SHISA9: variants seen among roughly 807,000 people sequenced by gnomAD.
SHISA9 encodes the protein protein shisa-9.
Under a neutral mutation model 38.0 loss-of-function variants are expected in SHISA9, and 13 were observed. The ratio of observed to expected loss-of-function variants is 0.34; its 90% CI spans 0.22 to 0.54. The LOEUF is 0.54. Ranked by LOEUF, SHISA9 falls within the 20% of genes least tolerant of loss-of-function variation. SHISA9 has a pLI of 0.91. For missense variants in SHISA9, 538 were observed against 575.8 expected (o/e 0.93, Z 0.67); for synonymous variants, 275 against 242.0 (o/e 1.14, Z -1.27).
chr16:13,270,630 C>A, the SHISA9 span, among the ~76,000 whole-genome samples: 1 of 152,176 alleles, frequency 6.6e-6, no homozygotes, highest in Non-Finnish European at 1.5e-5. Context: ...GGTTGCAATG[C>A]TGGATCTACA....
In SHISA9 at chr16:13,089,021, G is replaced by A. The variant is rs151159411; in HGVS notation, c.692-114373G>A. Among the ~76,000 whole-genome samples, 198 of 152,294 alleles carry A rather than the reference G, an allele frequency of 1.3e-3. 2 individuals carry two copies. Among genetic ancestry groups the A allele is most frequent in the Middle Eastern group, 6.8e-3 (2 of 294 alleles). On this transcript the variant is annotated intron_variant, in intron 2 of 4. Transcript: ENST00000558583. ...GTTTATTGAGAGATTTTAGCATGAAGGACTTGAATTTTGTTGAAGGCCTTT... is the reference window on the plus strand; with the variant it reads ...GTTTATTGAGAGATTTTAGCATGAAAGACTTGAATTTTGTTGAAGGCCTTT...
intron 2 of SHISA9, among the ~76,000 whole-genome samples, chr16:12,970,322 TATAC>T (rs1177066970): frequency 7.4e-4 from 58 of 78,900 alleles, no homozygotes; most frequent in African/African-American, 2.7e-3. Flanking sequence ...TAGGGGTATA[TATAC>T]ATATATATAT....
At chr16:13,384,615 C>G in the SHISA9 span, among the ~76,000 whole-genome samples, 7 of 152,160 alleles carry the variant, frequency 4.6e-5, no homozygotes, top group Non-Finnish European at 8.8e-5. Context: ...GGTGGGGAGA[C>G]AGCAACCTTG....
chr16:13,221,330 A>G (rs1185541775), intron 4 of SHISA9, among the ~76,000 whole-genome samples: 3 of 149,602 alleles, frequency 2.0e-5, no homozygotes, highest in Non-Finnish European at 4.4e-5. Flanking sequence ...TGCTTAGGAA[A>G]CTCAGGCTTT....
the SHISA9 span, among the ~76,000 whole-genome samples, chr16:13,381,821 T>A: frequency 2.0e-5 from 3 of 152,190 alleles, no homozygotes; most frequent in African/African-American, 7.2e-5. Context: ...CATGGGAGGT[T>A]GCTTTTTGTC....
chr16:13,073,789 A>G (rs2073547087), intron 2 of SHISA9, among the ~76,000 whole-genome samples: 1 of 152,168 alleles, frequency 6.6e-6, no homozygotes, highest in Admixed American at 6.5e-5. Context: ...AATGGGAACG[A>G]GGCGGATACA....
chr16:13,253,013 A>G, the SHISA9 span, among the ~76,000 whole-genome samples: 5 of 152,206 alleles, frequency 3.3e-5, no homozygotes, highest in Non-Finnish European at 7.3e-5. Flanking sequence ...GACGATGAGG[A>G]TGAAGACCTT....
At chr16:13,199,417 G>A (rs527635726) in intron 2 of SHISA9, among the ~76,000 whole-genome samples, 1 of 152,348 alleles carries the variant, frequency 6.6e-6, no homozygotes, top group South Asian at 2.1e-4. Flanking sequence ...GGCAATACCT[G>A]GGTTTGCCCC....
chr16:13,318,392 G>A, the SHISA9 span, among the ~76,000 whole-genome samples: 1 of 151,764 alleles, frequency 6.6e-6, no homozygotes, highest in Admixed American at 6.6e-5. Context: ...GCACGATCTC[G>A]GCTCACTGCA....
the SHISA9 span, among the ~76,000 whole-genome samples, chr16:13,400,709 A>C: frequency 6.6e-6 from 1 of 152,154 alleles, no homozygotes; most frequent in Non-Finnish European, 1.5e-5. Flanking sequence ...TGTCTGAACA[A>C]ATCAGTCTGT....
chr16:13,137,967 A>C (rs1370372880), intron 2 of SHISA9, among the ~76,000 whole-genome samples: 1 of 152,166 alleles, frequency 6.6e-6, no homozygotes, highest in Non-Finnish European at 1.5e-5. Flanking sequence ...GCTGCATCTC[A>C]GATGTTACAT....
the SHISA9 span, among the ~76,000 whole-genome samples, chr16:13,287,054 G>A: frequency 6.6e-6 from 1 of 152,076 alleles, no homozygotes; most frequent in East Asian, 1.9e-4. Flanking sequence ...ATCCACAACA[G>A]ACACCAAACA....
intron 1 of SHISA9, chr16:12,902,868 GAC>G (rs1555499074): frequency 1.7e-4 from 82 of 479,524 alleles, no homozygotes; most frequent in South Asian, 1.3e-3. Context: ...GTGTGTGTGT[GAC>G]TCTGCTCCCT....
intron 2 of SHISA9, among the ~76,000 whole-genome samples, chr16:12,997,581 AT>A (rs966030680): frequency 1.6e-4 from 25 of 151,638 alleles, no homozygotes; most frequent in Admixed American, 6.6e-4. Flanking sequence ...TAATTTTTGT[AT>A]TTTTGTAGAG....
At chr16:12,990,225 A>G (rs187720887) in intron 2 of SHISA9, among the ~76,000 whole-genome samples, 81 of 152,248 alleles carry the variant, frequency 5.3e-4, no homozygotes, top group Middle Eastern at 6.8e-3. Context: ...TATTGGATGC[A>G]TAGTGCAGCA....
chr16:13,340,161 C>T, the SHISA9 span, among the ~76,000 whole-genome samples: 1 of 152,118 alleles, frequency 6.6e-6, no homozygotes, highest in Non-Finnish European at 1.5e-5. Context: ...GGTATACCAG[C>T]CTTGGACACA....
At chr16:13,139,214 T>G (rs2050376180) in intron 2 of SHISA9, among the ~76,000 whole-genome samples, 1 of 149,738 alleles carries the variant, frequency 6.7e-6, no homozygotes, top group African/African-American at 2.4e-5. Context: ...CCTCCCTCCC[T>G]TCCCTCACTC....
At chr16:13,262,140 C>T in the SHISA9 span, among the ~76,000 whole-genome samples, 2 of 152,158 alleles carry the variant, frequency 1.3e-5, no homozygotes, top group African/African-American at 4.8e-5. Flanking sequence ...TCCTCAAATG[C>T]CCCCAAACAA....
At chr16:13,120,468 T>A (rs2074075210) in intron 2 of SHISA9, among the ~76,000 whole-genome samples, 1 of 152,190 alleles carries the variant, frequency 6.6e-6, no homozygotes, top group Non-Finnish European at 1.5e-5. Flanking sequence ...AGGTTTCCCA[T>A]GGTCGTATGT....
Sources: gnomAD v4.1 joint callset for allele counts (sites outside exome capture counted in the v4.1 genomes callset) on GRCh38, gnomAD v4.1.1 for gene constraint, MANE v1.5 for transcripts, NCBI Gene and HGNC (gene_info 2026-07-23, HGNC 2026-07-21) for gene names.